Variants in ADGRL1 observed in about 807,000 individuals in gnomAD.
The protein encoded by ADGRL1 is CIRL-1.
A neutral mutation model predicts 148.9 loss-of-function variants in ADGRL1; 31 were observed. The observed-to-expected ratio is 0.21, with a 90% confidence interval of 0.16 to 0.28. The LOEUF (loss-of-function observed/expected upper bound fraction) is 0.28, where lower values mean the gene tolerates loss of function less well. Among genes scored for constraint, ADGRL1 ranks in the 10% least tolerant of loss-of-function variants. ADGRL1 has a pLI of 1.00. For missense variants in ADGRL1, 1,521 were observed against 2,058.8 expected, an observed-to-expected ratio of 0.74 and a Z score of 5.05; for synonymous variants, 937 against 900.3, an observed-to-expected ratio of 1.04 and a Z score of -0.73.
intron 1 of ADGRL1, among the ~76,000 whole-genome samples, chr19:14,195,993 C>T (rs1356768930): frequency 2.0e-5 from 3 of 152,092 alleles, no homozygotes; most frequent in African/African-American, 4.8e-5. Context: ...CATCCAGCCC[C>T]GTCAGGTCCT....
chr19:14,170,367 C>T (rs1599451195), intron 4 of ADGRL1: 1 of 232,148 alleles, frequency 4.3e-6, no homozygotes, highest in East Asian at 1.0e-4. Context: ...CCAGGCAGAG[C>T]ACGGGACCAT....
At chr19:14,174,284 G>C (rs1383530245) in intron 3 of ADGRL1, among the ~76,000 whole-genome samples, 1 of 152,202 alleles carries the variant, frequency 6.6e-6, no homozygotes. Context: ...GCAAAGGCTA[G>C]AGCCTGGACT....
At position 14,149,326 on chromosome 19, in the gene ADGRL1, A is replaced by T. The variant is rs1967918342; in HGVS notation, c.*1547T>A. 1 of 152,152 alleles carries T rather than the reference A, an allele frequency of 6.6e-6. No homozygotes were observed. Among genetic ancestry groups the T allele is most frequent in the South Asian group, 2.1e-4 (1 of 4,828 alleles). The allele number at this position is 152,152 out of a possible 1,614,324, so 9.4% of individuals were successfully genotyped here. ...GGGAAGGTGGAGGATAGGGAAGGTG[A>T]TCTCTCACCTTTGCCCCTCCCCATC... On this transcript the variant is annotated 3_prime_UTR_variant, in exon 23 of 23. Coordinates refer to ENST00000361434, the MANE Select transcript of ADGRL1 (RefSeq NM_014921.5).
Position 14,160,431 on chromosome 19 carries a change from C to A in ADGRL1, c.1615-134G>T, listed in dbSNP as rs1349802317. The A allele has an allele frequency of 2.2e-5, 21 of 945,218 alleles. No individual in the cohort carries two copies. The highest frequency in any genetic ancestry group is 3.1e-5 in the Non-Finnish European group (20 of 641,704). 58.6% of individuals were successfully genotyped at this position (945,218 alleles called of 1,614,324 possible). ...CCCATCGCCATCTGCCCCTTCCCAC[C>A]CCATCTGTCCCTGCTCCCTTTGTAG... On this transcript the variant is annotated intron_variant, in intron 7 of 22. Transcript: ENST00000361434. The surrounding 1 kb of genome is among the most constrained non-coding windows in gnomAD (Gnocchi z 5.9).
chr19:14,170,608 T>G, intron 4 of ADGRL1, 74 bp downstream of exon 4: 1 of 863,330 alleles, frequency 1.2e-6, no homozygotes, highest in Non-Finnish European at 1.9e-6. Flanking sequence ...ACATGTGTGA[T>G]GGGTCAAGGT....
At chr19:14,193,964 G>A (rs1021576877) in intron 1 of ADGRL1, among the ~76,000 whole-genome samples, 12 of 152,292 alleles carry the variant, frequency 7.9e-5, no homozygotes, top group African/African-American at 2.6e-4. Context: ...TTCTGTTGTT[G>A]GCTGCAGTGG....
rs189585132 is a variant in ADGRL1 at position 14,178,740 on chromosome 19, G to C, written c.71-996C>G. 1.2e-4 allele frequency among the ~76,000 whole-genome samples: 19 copies of C among 152,198 alleles called. No homozygotes were observed. The East Asian group carries it at 2.7e-3, about 22-fold the overall frequency. ...TTTTCTATGTTGCCCAAGCTAGTCT[G>C]GTCTCAAGCAATCCTCCTGCCTTGG... On this transcript the variant is annotated intron_variant, in intron 2 of 22. Transcript: ENST00000361434.
rs1005433458 is a variant in ADGRL1 at position 14,149,594 on chromosome 19, G to T, written c.*1279C>A. The T allele has an allele frequency of 6.5e-6, 1 of 152,790 alleles. No individual in the cohort carries two copies. The highest frequency in any genetic ancestry group is 2.4e-5 in the African/African-American group (1 of 41,448). 9.5% of individuals were successfully genotyped at this position (152,790 alleles called of 1,614,324 possible). A position where few individuals can be genotyped will look rare whatever the true frequency, so the allele number is the denominator to read the frequency against. On this transcript the variant is annotated 3_prime_UTR_variant, in exon 23 of 23. Coordinates refer to ENST00000361434, the MANE Select transcript of ADGRL1 (RefSeq NM_014921.5). ...TCCCCCGGGCCGGTGGGGAGGGAAG[G>T]GGGAGACAGGCCTCTGGTCCTGGGG...
At chr19:14,187,566 A>G (rs1971655031) in intron 1 of ADGRL1, among the ~76,000 whole-genome samples, 1 of 124,352 alleles carries the variant, frequency 8.0e-6, no homozygotes, top group African/African-American at 2.9e-5. Flanking sequence ...TCTTCAGTAA[A>G]TCCCCCCCAG....
At position 14,160,278 on chromosome 19, in the gene ADGRL1, G is replaced by T. The variant is rs776368374; in HGVS notation, c.1634C>A (p.Ala545Glu). 1 of 1,592,276 alleles carries T rather than the reference G, an allele frequency of 6.3e-7. No individual in the cohort carries two copies. Among genetic ancestry groups the T allele is most frequent in the Admixed American group, 1.7e-5 (1 of 59,580 alleles). The change falls in exon 8 of 23, where the codon GCG becomes GAG. Residue 545 changes from alanine to glutamate, a missense_variant. By Grantham distance (107) the Ala-to-Glu change is moderately radical. Transcript: ENST00000361434. This position sits in a 1 kb window ranked among gnomAD's most constrained non-coding sequence, Gnocchi z 5.9. ...GGCCAGCTCGCTGGCGATGTTGGCC[G>T]CGTTCTCCCCACTCTTGATCTGCAT... is the stretch of plus-strand genomic sequence containing the variant. ...VAQKIKSGEN[A>E]ANIASELARH...
chr19:14,186,865 C>G (rs1215563800), intron 1 of ADGRL1, among the ~76,000 whole-genome samples: 1 of 152,180 alleles, frequency 6.6e-6, no homozygotes, highest in Non-Finnish European at 1.5e-5. Context: ...GCTCATTGTT[C>G]AGGGCTCAGC....
intron 1 of ADGRL1, chr19:14,190,989 G>A: frequency 2.4e-6 from 1 of 419,452 alleles, no homozygotes. Flanking sequence ...TCGGGAGGCT[G>A]AGGTAGGAGA....
intron 4 of ADGRL1, 87 bp from the exon 5 acceptor site, chr19:14,163,493 AGAGAG>A: frequency 1.1e-6 from 1 of 923,746 alleles, no homozygotes; most frequent in Non-Finnish European, 1.5e-6. Flanking sequence ...AGAGAGAGAG[AGAGAG>A]GGGGGAGAGA....
intron 3 of ADGRL1, among the ~76,000 whole-genome samples, chr19:14,172,919 T>C (rs1970579059): frequency 3.3e-5 from 5 of 151,990 alleles, no homozygotes. Context: ...TACTAAAAAT[T>C]ATTATTGTTG....
intron 1 of ADGRL1, among the ~76,000 whole-genome samples, chr19:14,205,112 G>A (rs934712115): frequency 2.0e-5 from 3 of 152,002 alleles, no homozygotes; most frequent in African/African-American, 7.3e-5. Flanking sequence ...AGATACCTGG[G>A]AGGGCATTTT....
In ADGRL1 at chr19:14,157,310, T is replaced by C; in HGVS notation, c.2686A>G (p.Ile896Val). ...DRNTIHKNLC[I>V]NLFLAELLFL... ...AGCAGCTCAGCCAGGAAGAGGTTGA[T>C]GCACAGGTTCTTGTGGATGGTGTTG... The change falls in exon 14 of 23, where the codon ATC becomes GTC. Residue 896 changes from isoleucine (I) to valine (V), a missense_variant. By Grantham distance (29) the Ile-to-Val change is conservative (BLOSUM62 3). Coordinates refer to ENST00000361434, the MANE Select transcript of ADGRL1 (RefSeq NM_014921.5). This position sits in a 1 kb window ranked among gnomAD's most constrained non-coding sequence, Gnocchi z 7.5. 6.2e-7 allele frequency: 1 copy of C among 1,614,172 alleles called. No homozygotes were observed. The highest frequency in any genetic ancestry group is 8.5e-7 in the Non-Finnish European group (1 of 1,180,004).
rs375253731 is a variant in ADGRL1, at chr19:14,156,960, A to G, written c.2931T>C (p.Ala977=). 8.1e-6 allele frequency: 13 copies of G among 1,613,012 alleles called. No individual in the cohort carries two copies. The African/African-American group carries it at 1.7e-4, about 22-fold the overall frequency. Residue 977 remains alanine (A), a synonymous_variant, in exon 15 of 23, where the codon GCT becomes GCC. Coordinates refer to ENST00000361434, the MANE Select transcript of ADGRL1 (RefSeq NM_014921.5). Reference sequence around the variant, plus strand: ...TGCCGTAGCTGCGGTAGTCAATGGCAGCCGCGATGCCCACCACCAGGGCCG... The same window carrying G: ...TGCCGTAGCTGCGGTAGTCAATGGCGGCCGCGATGCCCACCACCAGGGCCG... ...CFPALVVGIA[A]AIDYRSYGTE...
intron 3 of ADGRL1, among the ~76,000 whole-genome samples, chr19:14,171,620 T>C (rs1970478628): frequency 6.6e-6 from 1 of 152,166 alleles, no homozygotes; most frequent in Admixed American, 6.5e-5. Flanking sequence ...ATCAATGAAA[T>C]GTTCAGTGTC....
At chr19:14,185,469 T>C (rs74733970) in intron 1 of ADGRL1, among the ~76,000 whole-genome samples, 2,658 of 152,264 alleles carry the variant, frequency 0.017, 71 homozygotes, top group African/African-American at 0.061. Flanking sequence ...AATTTTAAAA[T>C]GTCTTATAGA....
Sources: allele counts gnomAD v4.1 joint callset (sites outside exome capture counted in the v4.1 genomes callset), GRCh38; gene constraint gnomAD v4.1.1; non-coding constraint Gnocchi (gnomAD v3.1); transcripts MANE v1.5; gene names NCBI Gene and HGNC (gene_info 2026-07-23, HGNC 2026-07-21).